The following BCL7C variants were observed in gnomAD, a reference collection of about 807,000 sequenced individuals.
BCL7C encodes the protein B-cell CLL/lymphoma 7 protein family member C.
BCL7C carries 8 observed loss-of-function variants against 26.2 expected under a neutral mutation model. The ratio of observed to expected loss-of-function variants is 0.30; its 90% confidence interval spans 0.18 to 0.55. BCL7C has a LOEUF of 0.55. BCL7C is among the 20% of genes least tolerant of loss of function. The probability of loss-of-function intolerance (pLI) is 0.93; values close to 1 mark genes in which losing one functional copy is unlikely to be tolerated. For missense variants in BCL7C, 262 were observed against 298.5 expected (o/e 0.88, Z 0.90); for synonymous variants, 90 against 116.5 (o/e 0.77, Z 1.47).
chr16:30,848,496 A>G (rs1411398656), intron 5 of BCL7C, among the ~76,000 whole-genome samples: 1 of 152,168 alleles, frequency 6.6e-6, no homozygotes, highest in Non-Finnish European at 1.5e-5. Flanking sequence ...GCAGTAGCTA[A>G]TGGATTATAG....
intron 5 of BCL7C, among the ~76,000 whole-genome samples, chr16:30,871,265 C>T (rs1567316243): frequency 6.6e-6 from 1 of 152,118 alleles, no homozygotes; most frequent in African/African-American, 2.4e-5. Flanking sequence ...TGGAGTTAGC[C>T]TCATCTGAAC....
At chr16:30,844,065 A>G (rs1450049983) in intron 5 of BCL7C, among the ~76,000 whole-genome samples, 201 of 149,718 alleles carry the variant, frequency 1.3e-3, no homozygotes, top group Non-Finnish European at 2.1e-3. Flanking sequence ...AAAAAAAAAA[A>G]AAAAGTCCGG....
rs543464652 is a variant in BCL7C, at chr16:30,893,897, A to G, written c.48T>C (p.Asp16=). 1.2e-6 allele frequency: 2 copies of G among 1,600,816 alleles called. No individual in the cohort carries two copies. Among genetic ancestry groups the G allele is most frequent in the South Asian group, 2.2e-5 (2 of 90,962 alleles). ...TGGTCGCCATCACCTTCTTGATGTC[A>G]TCCTTGGCCCGGCTCCGGGTCTCGG... ...VRAETRSRAK[D]DIKKVMATIE... Residue 16 remains aspartate (D), a synonymous_variant, in exon 1 of 6, where the codon GAT becomes GAC. Transcript: ENST00000215115. The surrounding 1 kb of genome is among the most constrained non-coding windows in gnomAD (Gnocchi z 5.2).
At chr16:30,879,676 C>G (rs148225096) in intron 5 of BCL7C, among the ~76,000 whole-genome samples, 50 of 11,970 alleles carry the variant, frequency 4.2e-3, no homozygotes, top group African/African-American at 6.6e-3. Flanking sequence ...CACAGAGAGA[C>G]TCCCCTTCTC....
chr16:30,849,929 A>T (rs531952216), intron 5 of BCL7C, among the ~76,000 whole-genome samples: 1 of 152,124 alleles, frequency 6.6e-6, no homozygotes, highest in African/African-American at 2.4e-5. Context: ...GGGCTGAAGA[A>T]ATATGCCTTC....
chr16:30,864,443 A>G (rs886738181), intron 5 of BCL7C, among the ~76,000 whole-genome samples: 11 of 152,186 alleles, frequency 7.2e-5, no homozygotes, highest in African/African-American at 2.2e-4. Flanking sequence ...ATTCTATATG[A>G]CAAATGCTCC....
chr16:30,836,413 C>T (rs1338272037), intron 5 of BCL7C, among the ~76,000 whole-genome samples: 5 of 150,946 alleles, frequency 3.3e-5, no homozygotes, highest in East Asian at 1.9e-4. Flanking sequence ...TCTGAGCTGC[C>T]GAGAACTTAT....
chr16:30,842,742 G>A (rs547614238), intron 5 of BCL7C, among the ~76,000 whole-genome samples: 10 of 152,070 alleles, frequency 6.6e-5, no homozygotes, highest in Middle Eastern at 3.2e-3. Flanking sequence ...CTAATTTTTT[G>A]TATTTTTAGT....
intron 5 of BCL7C, among the ~76,000 whole-genome samples, chr16:30,848,927 C>A (rs1423575160): frequency 2.6e-5 from 4 of 150,994 alleles, no homozygotes; most frequent in African/African-American, 9.7e-5. Flanking sequence ...GTGGTTCATG[C>A]CTGTAATCCC....
intron 5 of BCL7C, among the ~76,000 whole-genome samples, chr16:30,877,032 C>G (rs928923583): frequency 6.6e-6 from 1 of 152,134 alleles, no homozygotes; most frequent in Non-Finnish European, 1.5e-5. Flanking sequence ...GCCTGAAATG[C>G]CTGGCCGCAA....
rs935168605 is a variant in BCL7C at position 30,838,509 on chromosome 16, G to T, written c.529-3361C>A. On this transcript the variant is annotated intron_variant, in intron 5 of 5. Transcript: ENST00000380317. ...TATAAACAAACAGATTAGGCCAGGC[G>T]CAGTGGCCCATGCCTGTAATCCCAG... 3.3e-5 allele frequency among the ~76,000 whole-genome samples: 5 copies of T among 152,192 alleles called. No individual in the cohort carries two copies. The East Asian group carries it at 7.7e-4, about 23-fold the overall frequency.
chr16:30,888,918 G>C lies in BCL7C; in HGVS notation c.470C>G (p.Thr157Ser), dbSNP rs779892732. ...CTTGGTCAGCATTGGGGGTTCGTCG[G>C]TGCTGCCAGCAGTTATGCCCCCGGG... Reference protein sequence around the residue: ...RDPGGITAGSTDEPPMLTKEE... With the variant: ...RDPGGITAGSSDEPPMLTKEE... The change falls in exon 5 of 6, where the codon ACC becomes AGC. Residue 157 changes from threonine to serine, a missense_variant. Physicochemically the swap from Thr to Ser is moderately conservative, Grantham distance 58. Transcript: ENST00000215115. 4.3e-6 allele frequency: 7 copies of C among 1,614,028 alleles called. No homozygotes were observed. Among genetic ancestry groups the C allele is most frequent in the South Asian group, 3.3e-5 (3 of 91,084 alleles).
downstream of BCL7C, among the ~76,000 whole-genome samples, chr16:30,883,958 T>C (rs1178021561): frequency 6.6e-6 from 1 of 150,408 alleles, no homozygotes; most frequent in Non-Finnish European, 1.5e-5. Context: ...ACCCTGTCTC[T>C]ACTAAAAATA....
chr16:30,859,673 C>T (rs977289980), intron 5 of BCL7C, among the ~76,000 whole-genome samples: 2 of 152,138 alleles, frequency 1.3e-5, no homozygotes, highest in East Asian at 1.9e-4. Flanking sequence ...CTCCCCTGCC[C>T]TTAAGAAGGT....
chr16:30,857,955 G>C (rs1378725171), intron 5 of BCL7C, among the ~76,000 whole-genome samples: 2 of 127,844 alleles, frequency 1.6e-5, no homozygotes, highest in Non-Finnish European at 3.2e-5. Flanking sequence ...TGAGTGACAA[G>C]AGCGAAACTC....
intron 5 of BCL7C, among the ~76,000 whole-genome samples, chr16:30,843,902 T>C (rs1895249241): frequency 6.6e-6 from 1 of 151,768 alleles, no homozygotes; most frequent in South Asian, 2.1e-4. Flanking sequence ...TAGCCAGGCA[T>C]TGTGGCACAT....
Position 30,893,021 on chromosome 16 carries a change from G to A in BCL7C, c.172-73C>T. 1 of 1,439,692 alleles carries A rather than the reference G, an allele frequency of 6.9e-7. No homozygotes were observed. Among genetic ancestry groups the A allele is most frequent in the South Asian group, 1.2e-5 (1 of 81,518 alleles). 89.2% of individuals were successfully genotyped at this position (1,439,692 alleles called of 1,614,324 possible). ...ACACCTAAGGAAACTGAGGCACTGA[G>A]AAGCAAAAGGGCTCAAACTCAGGGG... On this transcript the variant is annotated intron_variant, in intron 2 of 5. Coordinates refer to ENST00000215115, the MANE Select transcript of BCL7C (RefSeq NM_004765.4). This position sits in a 1 kb window ranked among gnomAD's most constrained non-coding sequence, Gnocchi z 5.2.
At position 30,867,203 on chromosome 16, in the gene BCL7C, T is replaced by C. The variant is rs113843624; in HGVS notation, c.528+21657A>G. Among the ~76,000 whole-genome samples the C allele has an allele frequency of 1.0e-3, 153 of 152,142 alleles. 2 individuals carry two copies. Among genetic ancestry groups the C allele is most frequent in the East Asian group, 3.9e-4 (2 of 5,186 alleles). On this transcript the variant is annotated intron_variant, in intron 5 of 5. Transcript: ENST00000380317. ...AAATTCCAGGCCCAAAAAAACATGA[T>C]TGGGGGAAGGTGGGTATCATTGAGA...
intron 5 of BCL7C, among the ~76,000 whole-genome samples, chr16:30,867,004 C>T (rs550020120): frequency 6.6e-6 from 1 of 152,224 alleles, no homozygotes; most frequent in African/African-American, 2.4e-5. Context: ...CAGTGAGCTA[C>T]AATTGTGCTA....
Sources: gnomAD v4.1 joint callset for allele counts (sites outside exome capture counted in the v4.1 genomes callset) on GRCh38, gnomAD v4.1.1 for gene constraint, Gnocchi (gnomAD v3.1) non-coding constraint, MANE v1.5 for transcripts, NCBI Gene and HGNC (gene_info 2026-07-23, HGNC 2026-07-21) for gene names.